Variants in IFT27 observed in about 807,000 individuals in gnomAD.
IFT27 encodes intraflagellar transport protein 27 homolog.
In IFT27, 19 loss-of-function variants were observed where a neutral mutation model predicts 23.9. The ratio of observed to expected loss-of-function variants is 0.79; its 90% CI spans 0.55 to 1.16. IFT27 has a LOEUF of 1.16. Ranked by LOEUF, IFT27 falls within the 50% of genes most tolerant of loss-of-function variation. The pLI is 0.00. For synonymous variants in IFT27, 91 were observed against 89.1 expected (o/e 1.02, Z -0.12); for missense variants, 206 against 228.7 (o/e 0.90, Z 0.64).
intron 5 of IFT27, 132 bp from the exon 6 acceptor site, chr22:36,763,145 C>G (rs929223784): frequency 2.2e-5 from 12 of 554,422 alleles, no homozygotes; most frequent in African/African-American, 7.8e-5. Context: ...GGTGGTGAGC[C>G]CCCCCACAGG....
At chr22:36,774,769 G>A (rs1192375919) in intron 1 of IFT27, among the ~76,000 whole-genome samples, 5 of 150,940 alleles carry the variant, frequency 3.3e-5, no homozygotes, top group South Asian at 4.2e-4. Flanking sequence ...CCGAGATTGC[G>A]CCACTGCCCT....
chr22:36,768,090 T>G (rs772610147), intron 1 of IFT27: 10 of 655,616 alleles, frequency 1.5e-5, no homozygotes, highest in Non-Finnish European at 2.6e-5. Flanking sequence ...AAGCCTTTTA[T>G]CCACAGGAAC....
Position 36,775,762 on chromosome 22 carries a change from C to G in IFT27, c.-55G>C, listed in dbSNP as rs1938487633. ...AGAGGACAAGAGCGGCTGCTAGAGACGCGAGTGGGTGGGCTTCGGGCCCTG... is the reference window on the plus strand; with the variant it reads ...AGAGGACAAGAGCGGCTGCTAGAGAGGCGAGTGGGTGGGCTTCGGGCCCTG... On this transcript the variant is annotated 5_prime_UTR_variant, in exon 1 of 7. Transcript: ENST00000433985. 9.4e-6 allele frequency: 15 copies of G among 1,595,044 alleles called. No individual in the cohort carries two copies. Among genetic ancestry groups the G allele is most frequent in the Non-Finnish European group, 7.7e-6 (9 of 1,162,972 alleles).
intron 4 of IFT27, among the ~76,000 whole-genome samples, chr22:36,765,124 A>G (rs1938211330): frequency 6.6e-6 from 1 of 152,208 alleles, no homozygotes; most frequent in Non-Finnish European, 1.5e-5. Flanking sequence ...TTCACTCCAC[A>G]GATTAACTCT....
At chr22:36,772,049 CT>C (rs1601502520) in intron 1 of IFT27, among the ~76,000 whole-genome samples, 1 of 152,292 alleles carries the variant, frequency 6.6e-6, no homozygotes, top group Non-Finnish European at 1.5e-5. Context: ...CCAGGTACCC[CT>C]AGACCAAATT....
intron 1 of IFT27, among the ~76,000 whole-genome samples, chr22:36,770,211 TCA>T (rs1017187730): frequency 1.3e-5 from 2 of 152,174 alleles, no homozygotes; most frequent in African/African-American, 4.8e-5. Context: ...ACCTGTGACC[TCA>T]CAGTTGCCAA....
chr22:36,765,310 A>T (rs572285149), intron 4 of IFT27, among the ~76,000 whole-genome samples: 32 of 152,108 alleles, frequency 2.1e-4, no homozygotes, highest in Non-Finnish European at 3.7e-4. Flanking sequence ...GCTGGAGGGG[A>T]GGGTGTGAGC....
rs763262021 is a variant in IFT27 at position 36,763,754 on chromosome 22, G to A, written c.352+165C>T. The A allele has an allele frequency of 2.8e-5, 20 of 703,414 alleles. 1 individual carries two copies. The highest frequency in any genetic ancestry group is 5.0e-4 in the Middle Eastern group (2 of 4,016). 43.6% of individuals were successfully genotyped at this position (703,414 alleles called of 1,614,324 possible). On this transcript the variant is annotated intron_variant, in intron 5 of 6. Coordinates refer to ENST00000433985, the MANE Select transcript of IFT27 (RefSeq NM_001177701.3). The stretch of plus-strand genomic sequence containing the variant: ...GGAGAGGTGTGTGTGGTGACTCACC[G>A]AGGTTGGCATGGCTGCTAAGTGGCA...
chr22:36,767,810 T>TC lies in IFT27; in HGVS notation c.86dup (p.Ala30SerfsTer24). ...GGGTGTAGCTTTTCTGGAAATGGGC[T>TC]CCATCACTGCGGAAGATCTGTGCCA... On this transcript the variant is annotated frameshift_variant, in exon 2 of 7. Coordinates refer to ENST00000433985, the MANE Select transcript of IFT27 (RefSeq NM_001177701.3). LOFTEE classifies it high-confidence loss of function. 1 of 1,614,154 alleles carries TC rather than the reference T, an allele frequency of 6.2e-7. No homozygotes were observed. Among genetic ancestry groups the TC allele is most frequent in the Non-Finnish European group, 8.5e-7 (1 of 1,180,000 alleles).
intron 4 of IFT27, 28 bp downstream of exon 4, chr22:36,766,110 G>A: frequency 6.3e-7 from 1 of 1,596,534 alleles, no homozygotes; most frequent in Non-Finnish European, 8.6e-7. Flanking sequence ...GGTGGTGACA[G>A]TCAGGAAAAA....
chr22:36,772,827 T>C (rs1048195139), intron 1 of IFT27: 2 of 974,618 alleles, frequency 2.1e-6, no homozygotes, highest in Non-Finnish European at 2.4e-6. Context: ...CTGTGGGTCA[T>C]GGATGGAAAA....
chr22:36,772,089 G>C (rs1472536039), intron 1 of IFT27, among the ~76,000 whole-genome samples: 2 of 152,170 alleles, frequency 1.3e-5, no homozygotes, highest in Non-Finnish European at 2.9e-5. Flanking sequence ...TGCAAGGAAA[G>C]CTCAAAGAAT....
chr22:36,773,859 C>T (rs113336618), intron 1 of IFT27, among the ~76,000 whole-genome samples: 324 of 152,230 alleles, frequency 2.1e-3, no homozygotes, highest in African/African-American at 7.4e-3. Flanking sequence ...GCAATAATGC[C>T]AATCCCACAG....
Position 36,775,721 on chromosome 22 carries a change from C to T in IFT27, c.-14G>A. On this transcript the variant is annotated 5_prime_UTR_variant, in exon 1 of 7. Coordinates refer to ENST00000433985, the MANE Select transcript of IFT27 (RefSeq NM_001177701.3). Reference sequence around the variant, plus strand: ...CAGCTTCACCATGGTAACCAACACTCCCGCGAGCCGTACCCAGAGGACAAG... The same window carrying T: ...CAGCTTCACCATGGTAACCAACACTTCCGCGAGCCGTACCCAGAGGACAAG... 6.2e-7 allele frequency: 1 copy of T among 1,614,026 alleles called. No homozygotes were observed. The highest frequency in any genetic ancestry group is 1.1e-5 in the South Asian group (1 of 91,074).
At chr22:36,762,206 A>G (rs1182290575) in intron 6 of IFT27, 1 of 152,264 alleles carries the variant, frequency 6.6e-6, no homozygotes, top group Non-Finnish European at 1.5e-5. Context: ...GGAGGATGGG[A>G]CTTTAAAACT....
At chr22:36,759,730 A>T (rs1212096214) in intron 6 of IFT27, 1 of 152,256 alleles carries the variant, frequency 6.6e-6, no homozygotes, top group Non-Finnish European at 1.5e-5. Flanking sequence ...AAACAGAAGG[A>T]TTTCCAAACT....
At chr22:36,767,270 G>T in intron 3 of IFT27, 36 bp downstream of exon 3, 1 of 1,578,822 alleles carries the variant, frequency 6.3e-7, no homozygotes, top group South Asian at 1.1e-5. Flanking sequence ...CCAGCTGGGG[G>T]AGCCCTGAGT....
intron 1 of IFT27, chr22:36,772,864 G>A: frequency 1.2e-6 from 1 of 828,936 alleles, no homozygotes; most frequent in Non-Finnish European, 1.5e-6. Flanking sequence ...GTGTGTGGTG[G>A]GGGTGGGTGG....
intron 1 of IFT27, among the ~76,000 whole-genome samples, chr22:36,769,082 G>A (rs1938334115): frequency 6.6e-6 from 1 of 152,108 alleles, no homozygotes; most frequent in South Asian, 2.1e-4. Flanking sequence ...AATGCTTGTG[G>A]CATTTCATTT....
Sources: allele counts gnomAD v4.1 joint callset (sites outside exome capture counted in the v4.1 genomes callset), GRCh38; gene constraint gnomAD v4.1.1; transcripts MANE v1.5; gene names NCBI Gene and HGNC (gene_info 2026-07-23, HGNC 2026-07-21).